PCYT1B: variants seen among roughly 807,000 people sequenced by gnomAD.
PCYT1B encodes the protein phosphate cytidylyltransferase 1B, choline.
PCYT1B carries 10 observed loss-of-function variants against 26.4 expected under a neutral mutation model. The ratio of observed to expected loss-of-function variants is 0.38; its 90% CI spans 0.23 to 0.64. PCYT1B has a LOEUF of 0.64. Ranked by LOEUF, PCYT1B falls within the 30% of genes least tolerant of loss-of-function variation. The pLI is 0.56. For synonymous variants in PCYT1B, 131 were observed against 108.4 expected (o/e 1.21, Z -1.29); for missense variants, 161 against 292.7 (o/e 0.55, Z 3.28).
chrX:24,629,559 C>CAAAAAAAAAAAAAA lies in PCYT1B; in HGVS notation c.118-10489_118-10476dup, dbSNP rs1165553186. ...TGGGTGAAAGAGTGAGACCCTGTCT[C>CAAAAAAAAAAAAAA]AAAAAAAAAAAAAAAAAAAAAAAAA... On this transcript the variant is annotated intron_variant, in intron 1 of 7. Coordinates refer to ENST00000379144, the MANE Select transcript of PCYT1B (RefSeq NM_004845.5). Among the ~76,000 whole-genome samples, 9 of 16,107 alleles carry CAAAAAAAAAAAAAA rather than the reference C, an allele frequency of 5.6e-4. 3 individuals carry two copies. The highest frequency in any genetic ancestry group is 5.6e-3 in the East Asian group (2 of 359). 14.0% of individuals were successfully genotyped at this position (16,107 alleles called of 115,157 possible). A position where few individuals can be genotyped will look rare whatever the true frequency, so the allele number is the denominator to read the frequency against.
chrX:24,596,640 T>G (rs1924790260), intron 3 of PCYT1B, among the ~76,000 whole-genome samples: 1 of 107,536 alleles, frequency 9.3e-6, no homozygotes, highest in Non-Finnish European at 1.9e-5. Context: ...GGCAAAACCA[T>G]GACGATTGTG....
chrX:24,648,561 T>C (rs1188778465), upstream of PCYT1B, among the ~76,000 whole-genome samples: 1 of 103,348 alleles, frequency 9.7e-6, no homozygotes, highest in Non-Finnish European at 1.9e-5. Context: ...AGGAGTCCTC[T>C]TAGGACAAGT....
intron 1 of PCYT1B, among the ~76,000 whole-genome samples, chrX:24,628,039 AGTGGAGAT>A (rs1204587820): frequency 8.9e-6 from 1 of 111,917 alleles, no homozygotes; most frequent in African/African-American, 3.2e-5. Context: ...TAGATCTCCA[AGTGGAGAT>A]GTCAGGTAGA....
At chrX:24,672,235 A>C (rs747457850) in intron 1 of PCYT1B, among the ~76,000 whole-genome samples, 2 of 112,435 alleles carry the variant, frequency 1.8e-5, no homozygotes, top group Non-Finnish European at 3.8e-5. Flanking sequence ...ATTTCATAGG[A>C]TAAAGAACAT....
chrX:24,661,718 A>G (rs1238319711), intron 1 of PCYT1B, among the ~76,000 whole-genome samples: 1 of 112,487 alleles, frequency 8.9e-6, no homozygotes, highest in Non-Finnish European at 1.9e-5. Context: ...AATGAGATCT[A>G]AAAGACATAT....
intron 1 of PCYT1B, among the ~76,000 whole-genome samples, chrX:24,653,259 C>A (rs145023581): frequency 0.017 from 1,936 of 111,103 alleles, 45 homozygotes; most frequent in African/African-American, 0.061. Context: ...TGCCGAAATC[C>A]CCTCAGGACT....
rs1175189301 is a variant in PCYT1B, at chrX:24,562,513, T to A, written c.898-8A>T. 3 of 1,187,705 alleles carry A rather than the reference T, an allele frequency of 2.5e-6. No homozygotes were observed. Among genetic ancestry groups the A allele is most frequent in the Non-Finnish European group, 3.4e-6 (3 of 881,677 alleles). On this transcript the variant is annotated splice_polypyrimidine_tract_variant and splice_region_variant and intron_variant, in intron 7 of 7. Coordinates refer to ENST00000379144, the MANE Select transcript of PCYT1B (RefSeq NM_004845.5). Reference sequence around the variant, plus strand: ...CTCCTGGAACATCTGCTTCTAAAGATAAATTGGAGAGAAGGCATCTGTTAA... The same window carrying A: ...CTCCTGGAACATCTGCTTCTAAAGAAAAATTGGAGAGAAGGCATCTGTTAA...
intron 3 of PCYT1B, among the ~76,000 whole-genome samples, chrX:24,605,550 T>G (rs991739096): frequency 8.9e-6 from 1 of 112,266 alleles, no homozygotes; most frequent in East Asian, 2.8e-4. Context: ...TCTGAGGACA[T>G]AGACAGTCTG....
intron 7 of PCYT1B, among the ~76,000 whole-genome samples, chrX:24,563,019 G>C (rs912978474): frequency 3.6e-5 from 4 of 111,560 alleles, no homozygotes; most frequent in African/African-American, 1.3e-4. Flanking sequence ...GAGCCACCAT[G>C]CCCAGCTACC....
upstream of PCYT1B, among the ~76,000 whole-genome samples, chrX:24,652,188 T>C (rs777530378): frequency 5.3e-5 from 6 of 112,616 alleles, no homozygotes; most frequent in Admixed American, 1.9e-4. Context: ...TTATTTCTAC[T>C]GTTTATTGAG....
At chrX:24,666,240 T>C (rs1927124566) in intron 1 of PCYT1B, among the ~76,000 whole-genome samples, 2 of 110,710 alleles carry the variant, frequency 1.8e-5, no homozygotes, top group Non-Finnish European at 3.8e-5. Flanking sequence ...GAATAAACAG[T>C]GATTTAAATT....
At position 24,564,446 on chromosome X, in the gene PCYT1B, G is replaced by A. The variant is rs761082353; in HGVS notation, c.898-1941C>T. 1.3e-4 allele frequency among the ~76,000 whole-genome samples: 14 copies of A among 107,931 alleles called. No individual in the cohort carries two copies. In the East Asian group the frequency reaches 3.8e-3, roughly 29 times the overall value. The allele number at this position is 107,931 out of a possible 115,157, so 93.7% of individuals were successfully genotyped here. A position where few individuals can be genotyped will look rare whatever the true frequency, so the allele number is the denominator to read the frequency against. Reference sequence around the variant, plus strand: ...CGGTTCACTGCAAGCTCCGCCTCCCGGGTTCACGCCATTCTCCTGCCTCAG... The same window carrying A: ...CGGTTCACTGCAAGCTCCGCCTCCCAGGTTCACGCCATTCTCCTGCCTCAG... On this transcript the variant is annotated intron_variant, in intron 7 of 7. Transcript: ENST00000379144.
chrX:24,572,264 GCGCACACACA>G (rs1923855145), intron 7 of PCYT1B, among the ~76,000 whole-genome samples: 2 of 101,271 alleles, frequency 2.0e-5, no homozygotes. Flanking sequence ...ACACACGCGC[GCGCACACACA>G]CACACACACA....
chrX:24,656,116 C>T (rs1183348739), intron 1 of PCYT1B, among the ~76,000 whole-genome samples: 3 of 63,304 alleles, frequency 4.7e-5, no homozygotes, highest in Non-Finnish European at 8.1e-5. Flanking sequence ...GCAACAAGAG[C>T]GAAACTCCAT....
chrX:24,615,669 G>T (rs905674979), intron 2 of PCYT1B, among the ~76,000 whole-genome samples: 2 of 111,150 alleles, frequency 1.8e-5, no homozygotes, highest in Admixed American at 1.9e-4. Flanking sequence ...TCATCATGTT[G>T]GCCAAGGTGG....
upstream of PCYT1B, among the ~76,000 whole-genome samples, chrX:24,652,046 G>A (rs910865452): frequency 1.8e-5 from 2 of 111,659 alleles, no homozygotes; most frequent in African/African-American, 3.3e-5. Context: ...ACATGTTGGA[G>A]GTAGGCTGTT....
intron 7 of PCYT1B, among the ~76,000 whole-genome samples, chrX:24,569,266 T>A (rs1387637001): frequency 7.7e-5 from 8 of 104,136 alleles, no homozygotes; most frequent in Non-Finnish European, 9.9e-5. Flanking sequence ...GACGATTATT[T>A]AAAAAAAAAA....
chrX:24,660,769 C>G (rs1927014031), intron 1 of PCYT1B, among the ~76,000 whole-genome samples: 1 of 111,041 alleles, frequency 9.0e-6, no homozygotes, highest in Admixed American at 9.7e-5. Flanking sequence ...GAAGCCCACC[C>G]TTGCTTTGAG....
rs145582123 is a variant in PCYT1B at position 24,564,377 on chromosome X, G to GTT, written c.898-1874_898-1873dup. On this transcript the variant is annotated intron_variant, in intron 7 of 7. Transcript: ENST00000379144. ...TTGTTTTTTTGTTTTTTTGTTTTTT[G>GTT]TTTTTTTTTGACAGAGTCTTGCTGG... is the stretch of plus-strand genomic sequence containing the variant. 6.0e-3 allele frequency among the ~76,000 whole-genome samples: 616 copies of GTT among 103,273 alleles called. 10 individuals carry two copies. Among genetic ancestry groups the GTT allele is most frequent in the Middle Eastern group, 0.02 (4 of 204 alleles). The allele number at this position is 103,273 out of a possible 115,157, so 89.7% of individuals were successfully genotyped here. A position where few individuals can be genotyped will look rare whatever the true frequency, so the allele number is the denominator to read the frequency against.
Sources: allele counts gnomAD v4.1 joint callset (sites outside exome capture counted in the v4.1 genomes callset), GRCh38; gene constraint gnomAD v4.1.1; transcripts MANE v1.5; gene names NCBI Gene and HGNC (gene_info 2026-07-23, HGNC 2026-07-21).